SRPK2: variants seen among roughly 807,000 people sequenced by gnomAD.
SRPK2 encodes the protein SFRS protein kinase 2.
A neutral mutation model predicts 90.8 loss-of-function variants in SRPK2; 21 were observed. That is an observed-to-expected ratio of 0.23 (90% CI 0.16 to 0.33). SRPK2 has a LOEUF of 0.33. Ranked by LOEUF, SRPK2 falls within the 10% of genes least tolerant of loss-of-function variation. The pLI, the probability that SRPK2 is intolerant of heterozygous loss-of-function variation, is 1.00. For missense variants in SRPK2, 620 were observed against 869.0 expected (o/e 0.71, Z 3.60); for synonymous variants, 288 against 311.1 (o/e 0.93, Z 0.78).
At chr7:105,205,542 C>G (rs1431494209) in intron 2 of SRPK2, among the ~76,000 whole-genome samples, 2 of 136,950 alleles carry the variant, frequency 1.5e-5, no homozygotes, top group Non-Finnish European at 3.0e-5. Flanking sequence ...CACACACACA[C>G]ACACACACAC....
chr7:105,196,451 G>T (rs1011026054), intron 3 of SRPK2, among the ~76,000 whole-genome samples: 43 of 152,216 alleles, frequency 2.8e-4, no homozygotes, highest in Admixed American at 2.7e-3. Flanking sequence ...TTCCATCTGG[G>T]CACTGCTGAC....
chr7:105,164,635 T>A (rs1808238652), intron 6 of SRPK2, among the ~76,000 whole-genome samples: 1 of 152,232 alleles, frequency 6.6e-6, no homozygotes, highest in South Asian at 2.1e-4. Flanking sequence ...AAAGTTTATA[T>A]TCTTTATTTT....
At chr7:105,232,292 T>A (rs1799521299) in intron 2 of SRPK2, among the ~76,000 whole-genome samples, 1 of 151,940 alleles carries the variant, frequency 6.6e-6, no homozygotes. Flanking sequence ...GAAATCCGTC[T>A]CTACTAAAAA....
At chr7:105,349,522 C>CAAAAAAAAAAA (rs572686995) in intron 2 of SRPK2, among the ~76,000 whole-genome samples, 87 of 88,914 alleles carry the variant, frequency 9.8e-4, no homozygotes, top group African/African-American at 3.6e-3. Flanking sequence ...AACTCCATCT[C>CAAAAAAAAAAA]AAAAAAAAAA....
At chr7:105,327,625 T>C (rs533070818) in intron 2 of SRPK2, among the ~76,000 whole-genome samples, 99 of 152,298 alleles carry the variant, frequency 6.5e-4, no homozygotes, top group African/African-American at 2.3e-3. Flanking sequence ...GATAACAAGA[T>C]AACAAGATGC....
intron 2 of SRPK2, among the ~76,000 whole-genome samples, chr7:105,380,261 A>C (rs1820786251): frequency 6.6e-6 from 1 of 152,052 alleles, no homozygotes; most frequent in African/African-American, 2.4e-5. Flanking sequence ...ACTCTGGAAT[A>C]GCTGGGACTA....
intron 2 of SRPK2, among the ~76,000 whole-genome samples, chr7:105,319,952 G>A (rs533214020): frequency 5.3e-5 from 8 of 150,398 alleles, no homozygotes; most frequent in African/African-American, 7.3e-5. Flanking sequence ...TGCCCGACTC[G>A]CGAATTGTTC....
intron 2 of SRPK2, among the ~76,000 whole-genome samples, chr7:105,293,260 G>C (rs56132497): frequency 0.41 from 61,390 of 151,182 alleles, 14,596 homozygotes; most frequent in Non-Finnish European, 0.53. Flanking sequence ...CACTGCATGA[G>C]TGAAACTCCA....
chr7:105,375,573 T>C (rs1820186599), intron 2 of SRPK2, among the ~76,000 whole-genome samples: 2 of 152,104 alleles, frequency 1.3e-5, no homozygotes, highest in Admixed American at 1.3e-4. Context: ...AACCTGGAAC[T>C]AGAGCAAGGA....
intron 11 of SRPK2, among the ~76,000 whole-genome samples, chr7:105,140,156 GT>G (rs1562973872): frequency 1.3e-5 from 2 of 151,978 alleles, no homozygotes; most frequent in African/African-American, 4.8e-5. Flanking sequence ...TAAAGACACA[GT>G]TTTTTTTCCC....
At chr7:105,340,999 G>A (rs879301987) in intron 2 of SRPK2, among the ~76,000 whole-genome samples, 3 of 152,058 alleles carry the variant, frequency 2.0e-5, no homozygotes, top group African/African-American at 4.8e-5. Context: ...AGTGATTAAC[G>A]GATGATGTCA....
intron 2 of SRPK2, among the ~76,000 whole-genome samples, chr7:105,235,969 T>C (rs972474592): frequency 1.2e-4 from 18 of 152,186 alleles, no homozygotes; most frequent in Non-Finnish European, 2.5e-4. Flanking sequence ...ATAGGTACAT[T>C]AGAGGAAAAG....
intron 3 of SRPK2, among the ~76,000 whole-genome samples, chr7:105,201,300 G>C (rs549179871): frequency 4.6e-5 from 7 of 152,220 alleles, no homozygotes; most frequent in Admixed American, 2.0e-4. Context: ...ATTTGGGGGG[G>C]GCTGGCACGG....
intron 2 of SRPK2, among the ~76,000 whole-genome samples, chr7:105,216,973 A>T (rs1228897917): frequency 6.6e-6 from 1 of 152,216 alleles, no homozygotes; most frequent in African/African-American, 2.4e-5. Context: ...CATTCAATAA[A>T]GGTTAATCCT....
intron 2 of SRPK2, among the ~76,000 whole-genome samples, chr7:105,357,203 AT>A (rs1276209789): frequency 1.1e-4 from 17 of 151,874 alleles, no homozygotes; most frequent in Non-Finnish European, 2.2e-4. Flanking sequence ...CGCCTGGCTA[AT>A]TTTTTGTATT....
chr7:105,140,392 G>T (rs894939648), intron 11 of SRPK2, among the ~76,000 whole-genome samples: 2 of 152,098 alleles, frequency 1.3e-5, no homozygotes, highest in Non-Finnish European at 2.9e-5. Context: ...CCTGAGGTCA[G>T]GCACTGGAGA....
intron 2 of SRPK2, among the ~76,000 whole-genome samples, chr7:105,311,641 A>G (rs778719433): frequency 1.3e-5 from 2 of 152,236 alleles, no homozygotes; most frequent in Admixed American, 6.5e-5. Flanking sequence ...AAAACCATGA[A>G]ATACCACCTC....
chr7:105,381,293 C>A (rs1181626069), intron 2 of SRPK2, among the ~76,000 whole-genome samples: 2 of 151,828 alleles, frequency 1.3e-5, no homozygotes, highest in Non-Finnish European at 2.9e-5. Flanking sequence ...AAAATGAAAT[C>A]TGGCCAGGCG....
chr7:105,392,995 T>C (rs1822221348), upstream of SRPK2, among the ~76,000 whole-genome samples: 1 of 150,468 alleles, frequency 6.6e-6, no homozygotes, highest in Non-Finnish European at 1.5e-5. Flanking sequence ...GTATTTTTTT[T>C]TTTTTGGTGG....
Sources: gnomAD v4.1 joint callset for allele counts (sites outside exome capture counted in the v4.1 genomes callset) on GRCh38, gnomAD v4.1.1 for gene constraint, MANE v1.5 for transcripts, NCBI Gene and HGNC (gene_info 2026-07-23, HGNC 2026-07-21) for gene names.